The following GRID2 variants were observed in gnomAD, a reference collection of about 807,000 sequenced individuals.
GRID2 encodes the protein glutamate ionotropic receptor delta type subunit 2.
In GRID2, 33 loss-of-function variants were observed where a neutral mutation model predicts 114.8. The observed-to-expected ratio is 0.29, with a 90% CI of 0.22 to 0.38. The LOEUF (loss-of-function observed/expected upper bound fraction) is 0.38, where lower values mean the gene tolerates loss of function less well. Among genes scored for constraint, GRID2 ranks in the 10% least tolerant of loss-of-function variants. The pLI, the probability that GRID2 is intolerant of heterozygous loss-of-function variation, is 1.00. For missense variants in GRID2, 1,184 were observed against 1,257.7 expected (o/e 0.94, Z 0.89); for synonymous variants, 505 against 449.9 (o/e 1.12, Z -1.55).
At position 93,772,582 on chromosome 4, in the gene GRID2, G is replaced by A. The variant is rs1295417016; in HGVS notation, c.*84G>A. On this transcript the variant is annotated 3_prime_UTR_variant, in exon 16 of 16. Transcript: ENST00000282020. ...GTAATATTGTGGGACTAACATGGAT[G>A]TAACGTTTAAAAAAAAGATCAGGAT... 3.2e-6 allele frequency: 3 copies of A among 950,678 alleles called. No homozygotes were observed. Among genetic ancestry groups the A allele is most frequent in the Non-Finnish European group, 4.7e-6 (3 of 634,458 alleles). 58.9% of individuals were successfully genotyped at this position (950,678 alleles called of 1,614,324 possible).
chr4:92,524,156 A>G (rs958595351), intron 1 of GRID2, among the ~76,000 whole-genome samples: 16 of 152,180 alleles, frequency 1.1e-4, no homozygotes, highest in African/African-American at 3.8e-4. Context: ...TTGGTAAACA[A>G]GGGTTGAGTA....
At chr4:93,732,573 A>G (rs183054071) in intron 14 of GRID2, among the ~76,000 whole-genome samples, 2 of 152,102 alleles carry the variant, frequency 1.3e-5, no homozygotes, top group Admixed American at 6.5e-5. Flanking sequence ...CCATGACTTT[A>G]TTGTTGAATT....
intron 1 of GRID2, among the ~76,000 whole-genome samples, chr4:92,586,753 G>C (rs1728470485): frequency 6.6e-6 from 1 of 151,192 alleles, no homozygotes; most frequent in Non-Finnish European, 1.5e-5. Flanking sequence ...TATGCTAATT[G>C]GTCCATTAGT....
At chr4:92,832,719 G>A (rs1742201372) in intron 2 of GRID2, among the ~76,000 whole-genome samples, 1 of 151,962 alleles carries the variant, frequency 6.6e-6, no homozygotes, top group African/African-American at 2.4e-5. Context: ...CCCAGGAGGT[G>A]GAGGTTGCAG....
intron 1 of GRID2, among the ~76,000 whole-genome samples, chr4:92,409,822 G>C (rs1476957358): frequency 6.6e-6 from 1 of 152,040 alleles, no homozygotes; most frequent in Non-Finnish European, 1.5e-5. Context: ...AATGTACTTA[G>C]AGTTTGTTCA....
chr4:93,048,046 A>G lies in GRID2; in HGVS notation c.245-36949A>G, dbSNP rs182051426. ...AAATCACAAAGTATATTGATGGCCC[A>G]TAGGCTAACAGGTCAAACAGTGTGG... On this transcript the variant is annotated intron_variant, in intron 2 of 15. Transcript: ENST00000282020. Among the ~76,000 whole-genome samples, 73 of 152,230 alleles carry G rather than the reference A, an allele frequency of 4.8e-4. No homozygotes were observed. In the East Asian group the frequency reaches 0.014, roughly 28 times the overall value.
intron 2 of GRID2, among the ~76,000 whole-genome samples, chr4:92,682,602 C>G (rs567277071): frequency 6.6e-6 from 1 of 151,886 alleles, no homozygotes; most frequent in Admixed American, 6.6e-5. Flanking sequence ...CGATTTCTTT[C>G]TGAGAAGAGA....
At chr4:92,822,045 T>C in intron 2 of GRID2, 1 of 219,858 alleles carries the variant, frequency 4.5e-6, no homozygotes, top group Non-Finnish European at 9.3e-6. Flanking sequence ...TAGCCAGCAG[T>C]CTGGCCATCA....
At chr4:92,957,568 T>C (rs1752502185) in intron 2 of GRID2, among the ~76,000 whole-genome samples, 1 of 152,088 alleles carries the variant, frequency 6.6e-6, no homozygotes, top group African/African-American at 2.4e-5. Context: ...ATAACAAACT[T>C]TTGAGTCAGG....
intron 4 of GRID2, among the ~76,000 whole-genome samples, chr4:93,145,646 T>C (rs1250554712): frequency 1.0e-4 from 3 of 29,626 alleles, no homozygotes; most frequent in Admixed American, 5.6e-4. Context: ...CTTTTTTCCT[T>C]TTTTTTTTTT....
intron 14 of GRID2, among the ~76,000 whole-genome samples, chr4:93,712,687 T>C (rs1004400597): frequency 1.3e-5 from 2 of 152,180 alleles, no homozygotes; most frequent in Admixed American, 6.5e-5. Context: ...ATTCAACTGA[T>C]ACATAAATAA....
intron 1 of GRID2, among the ~76,000 whole-genome samples, chr4:92,538,901 G>T (rs1337367607): frequency 6.6e-6 from 1 of 151,970 alleles, no homozygotes; most frequent in Admixed American, 6.6e-5. Flanking sequence ...AATTATCCAG[G>T]CATGGTGGTG....
intron 8 of GRID2, among the ~76,000 whole-genome samples, chr4:93,317,323 GTT>G (rs33937814): frequency 1.4e-3 from 207 of 148,142 alleles, no homozygotes; most frequent in African/African-American, 4.5e-3. Flanking sequence ...TTCTCCTCAG[GTT>G]TTTTTTTTTT....
At chr4:92,663,129 C>A (rs1454485248) in intron 2 of GRID2, among the ~76,000 whole-genome samples, 1 of 150,964 alleles carries the variant, frequency 6.6e-6, no homozygotes, top group Admixed American at 6.6e-5. Flanking sequence ...AACTGCTCAG[C>A]CTTGATACAA....
intron 2 of GRID2, among the ~76,000 whole-genome samples, chr4:92,591,257 CAGA>C (rs370823036): frequency 3.7e-4 from 56 of 152,236 alleles, no homozygotes; most frequent in African/African-American, 1.3e-3. Flanking sequence ...GTCTGTGAAG[CAGA>C]AGAAGATCTC....
intron 1 of GRID2, among the ~76,000 whole-genome samples, chr4:92,588,351 A>G (rs1728549051): frequency 6.6e-6 from 1 of 152,052 alleles, no homozygotes; most frequent in Non-Finnish European, 1.5e-5. Context: ...ATCTGATAAC[A>G]TATTAAGGAA....
chr4:92,770,822 CAAGAT>C (rs1206149221), intron 2 of GRID2, among the ~76,000 whole-genome samples: 2 of 152,160 alleles, frequency 1.3e-5, no homozygotes, highest in Non-Finnish European at 2.9e-5. Flanking sequence ...AGTTACAACT[CAAGAT>C]AAGATTTGAG....
chr4:93,520,801 CTA>C (rs1174797364), intron 13 of GRID2, among the ~76,000 whole-genome samples: 3 of 152,240 alleles, frequency 2.0e-5, no homozygotes, highest in South Asian at 4.1e-4. Context: ...ATATAATATT[CTA>C]TGAGTGATTT....
At chr4:93,784,643 TATAC>T (rs1405260852) in intron 1 of GRID2, among the ~76,000 whole-genome samples, 10 of 59,802 alleles carry the variant, frequency 1.7e-4, no homozygotes, top group African/African-American at 7.4e-4. Context: ...GAGTCCTTTT[TATAC>T]ACACACACAC....
Sources: gnomAD v4.1 joint callset for allele counts (sites outside exome capture counted in the v4.1 genomes callset) on GRCh38, gnomAD v4.1.1 for gene constraint, MANE v1.5 for transcripts, NCBI Gene and HGNC (gene_info 2026-07-23, HGNC 2026-07-21) for gene names.